The following DUSP15 variants were observed in gnomAD, a reference collection of about 807,000 sequenced individuals.
DUSP15 encodes dual specificity phosphatase 15.
DUSP15 carries 23 observed loss-of-function variants against 26.3 expected under a neutral mutation model. The ratio of observed to expected loss-of-function variants is 0.87; its 90% confidence interval spans 0.63 to 1.24. The LOEUF (loss-of-function observed/expected upper bound fraction) is 1.24. Ranked by LOEUF, DUSP15 falls within the 50% of genes most tolerant of loss-of-function variation. DUSP15 has a pLI of 0.00. For missense variants in DUSP15, 364 were observed against 320.6 expected (o/e 1.14, Z -1.03); for synonymous variants, 143 against 135.5 (o/e 1.06, Z -0.39).
chr20:31,857,915 T>C (rs941215109), downstream of DUSP15, among the ~76,000 whole-genome samples: 1 of 151,642 alleles, frequency 6.6e-6, no homozygotes, highest in Non-Finnish European at 1.5e-5. Flanking sequence ...ATTGGTGGAG[T>C]GGGAGAAGAG....
downstream of DUSP15, among the ~76,000 whole-genome samples, chr20:31,859,243 G>A (rs2062607708): frequency 6.6e-6 from 1 of 151,032 alleles, no homozygotes; most frequent in East Asian, 1.9e-4. Context: ...TGGATTCTTG[G>A]TGGGGGTCTC....
In DUSP15 at chr20:31,862,690, C is replaced by T. The variant is rs774115057; in HGVS notation, c.316G>A (p.Val106Met). ...ACGTCCCGCCAGCCTAGCCCCGTCA[C>T]AGTCATCACATACGCTGTCACAATC... Reference protein sequence around the residue: ...TTIVTAYVMTVTGLGWRDVLE... With the variant: ...TTIVTAYVMTMTGLGWRDVLE... Residue 106 changes from valine (V) to methionine (M), a missense_variant, in exon 6 of 7, where the codon GTG (valine) becomes ATG (methionine). Coordinates refer to ENST00000339738, the MANE Select transcript of DUSP15 (RefSeq NM_080611.5). 6.2e-6 allele frequency: 10 copies of T among 1,614,104 alleles called. No homozygotes were observed. Among genetic ancestry groups the T allele is most frequent in the Non-Finnish European group, 8.5e-6 (10 of 1,179,992 alleles).
chr20:31,851,370 T>C (rs1260677693), intron 6 of DUSP15, among the ~76,000 whole-genome samples: 1 of 151,014 alleles, frequency 6.6e-6, no homozygotes, highest in Non-Finnish European at 1.5e-5. Context: ...ACAGACAGAA[T>C]GAGGGAGACA....
Position 31,861,583 on chromosome 20 carries a change from C to CCGGCAGCGCTTGCACAG in DUSP15, c.511_527dup (p.Gln177CysfsTer104), listed in dbSNP as rs1491392233. On this transcript the variant is annotated frameshift_variant, in exon 7 of 7. Transcript: ENST00000339738. LOFTEE classifies it high-confidence loss of function. ...AGGAGGCCGAGGTCGCGGAGCCCTG[C>CCGGCAGCGCTTGCACAG]CGGCAGCGCTTGCACAGCGGCAGCA... 33 of 1,496,882 alleles carry CCGGCAGCGCTTGCACAG rather than the reference C, an allele frequency of 2.2e-5. No homozygotes were observed. The highest frequency in any genetic ancestry group is 4.4e-5 in the African/African-American group (3 of 68,812). 92.7% of individuals were successfully genotyped at this position (1,496,882 alleles called of 1,614,324 possible). A position where few individuals can be genotyped will look rare whatever the true frequency, so the allele number is the denominator to read the frequency against.
intron 6 of DUSP15, among the ~76,000 whole-genome samples, chr20:31,852,931 G>A (rs2062498302): frequency 6.6e-6 from 1 of 152,212 alleles, no homozygotes; most frequent in African/African-American, 2.4e-5. Context: ...GGGCCTCTTT[G>A]TTGGTGCCCT....
intron 7 of DUSP15, chr20:31,850,522 TG>T: frequency 7.4e-7 from 1 of 1,346,628 alleles, no homozygotes; most frequent in Non-Finnish European, 1.0e-6. Context: ...CTGGGTGCTT[TG>T]GGTGGGAGAG....
chr20:31,854,439 C>T (rs2062527216), intron 6 of DUSP15, among the ~76,000 whole-genome samples: 1 of 152,152 alleles, frequency 6.6e-6, no homozygotes, highest in South Asian at 2.1e-4. Context: ...TTTATTGTGA[C>T]ACTTATTGTA....
exon 10 of DUSP15, chr20:31,848,329 G>A: frequency 6.8e-7 from 1 of 1,474,730 alleles, no homozygotes; most frequent in Non-Finnish European, 9.1e-7. Context: ...ATGTGCCGGG[G>A]GAGGCCCCAA....
exon 8 of DUSP15, chr20:31,849,804 G>T (rs2062436276): frequency 6.5e-7 from 1 of 1,533,140 alleles, no homozygotes; most frequent in Non-Finnish European, 8.7e-7. Context: ...AGACGACAGC[G>T]CTGGGCTGTG....
exon 10 of DUSP15, chr20:31,848,068 T>G: frequency 3.9e-6 from 1 of 257,802 alleles, no homozygotes; most frequent in Non-Finnish European, 7.3e-6. Flanking sequence ...AGCAAACGTT[T>G]TAATGGACTC....
chr20:31,861,181 A>C lies in DUSP15; in HGVS notation c.*222T>G, dbSNP rs2062640240. 4.6e-6 allele frequency: 6 copies of C among 1,306,820 alleles called. No homozygotes were observed. The highest frequency in any genetic ancestry group is 3.9e-6 in the Non-Finnish European group (4 of 1,032,512). 81.0% of individuals were successfully genotyped at this position (1,306,820 alleles called of 1,614,324 possible). ...GTGGGCCCCCTCCCCCAGCCCAAGG[A>C]CTAAGGCACCAGGTGGCTGCAGCAG... On this transcript the variant is annotated 3_prime_UTR_variant, in exon 7 of 7. Transcript: ENST00000339738.
chr20:31,859,285 T>C (rs2062608243), downstream of DUSP15, among the ~76,000 whole-genome samples: 2 of 122,888 alleles, frequency 1.6e-5, no homozygotes, highest in Non-Finnish European at 3.4e-5. Context: ...AAATTTCATG[T>C]CTATGCATTT....
At chr20:31,865,640 G>A (rs900263255) in intron 3 of DUSP15, among the ~76,000 whole-genome samples, 3 of 152,232 alleles carry the variant, frequency 2.0e-5, no homozygotes, top group Non-Finnish European at 4.4e-5. Context: ...GGCCAGGCCC[G>A]TCACTGGCAG....
chr20:31,849,155 C>T lies in DUSP15; in HGVS notation c.629-252G>A, dbSNP rs145715342. On this transcript the variant is annotated intron_variant, in intron 8 of 9. Coordinates refer to the DUSP15 transcript ENST00000278979. ...CCACCCCATGCCTTTATGCCCAACC[C>T]ATGCCCACTGCCACTCACCTATACC... 2.4e-4 allele frequency among the ~76,000 whole-genome samples: 37 copies of T among 152,172 alleles called. No homozygotes were observed. The East Asian group carries it at 2.7e-3, about 11-fold the overall frequency.
Position 31,870,433 on chromosome 20 carries a change from G to C in DUSP15, c.-96C>G. ...TGACGGCCCAGGCCCGACGCCTGCA[G>C]CCTGGCGGGGAACGGGGGGCCTGGC... On this transcript the variant is annotated 5_prime_UTR_variant, in exon 1 of 7. Coordinates refer to ENST00000339738, the MANE Select transcript of DUSP15 (RefSeq NM_080611.5). The surrounding 1 kb of genome is among the most constrained non-coding windows in gnomAD (Gnocchi z 6.6). The C allele has an allele frequency of 7.7e-7, 1 of 1,294,308 alleles. No homozygotes were observed. The highest frequency in any genetic ancestry group is 9.8e-7 in the Non-Finnish European group (1 of 1,025,402). 80.2% of individuals were successfully genotyped at this position (1,294,308 alleles called of 1,614,324 possible). A position where few individuals can be genotyped will look rare whatever the true frequency, so the allele number is the denominator to read the frequency against.
chr20:31,865,519 T>C (rs1408658076), intron 3 of DUSP15, among the ~76,000 whole-genome samples: 2 of 152,254 alleles, frequency 1.3e-5, no homozygotes, highest in African/African-American at 2.4e-5. Flanking sequence ...CTTTGTTTCC[T>C]GATTAGCCAC....
intron 8 of DUSP15, chr20:31,849,674 G>C: frequency 6.5e-7 from 1 of 1,530,028 alleles, no homozygotes; most frequent in Admixed American, 2.0e-5. Flanking sequence ...TGCACACCGC[G>C]CTCCAGGTGA....
chr20:31,861,374 A>C lies in DUSP15; in HGVS notation c.*29T>G, dbSNP rs373419129. 9.1e-5 allele frequency: 137 copies of C among 1,512,548 alleles called. No homozygotes were observed. Among genetic ancestry groups the C allele is most frequent in the East Asian group, 2.6e-4 (10 of 37,752 alleles). The allele number at this position is 1,512,548 out of a possible 1,614,324, so 93.7% of individuals were successfully genotyped here. A position where few individuals can be genotyped will look rare whatever the true frequency, so the allele number is the denominator to read the frequency against. On this transcript the variant is annotated 3_prime_UTR_variant, in exon 7 of 7. Coordinates refer to ENST00000339738, the MANE Select transcript of DUSP15 (RefSeq NM_080611.5). The stretch of plus-strand genomic sequence containing the variant: ...ACAGCCCCCGAAGGGAGCCAGTCGG[A>C]AGTGGGGAGCCACGGCTGGACTGCA...
chr20:31,850,973 A>G (rs2062458789), intron 6 of DUSP15, among the ~76,000 whole-genome samples: 1 of 152,220 alleles, frequency 6.6e-6, no homozygotes. Flanking sequence ...GACTGTTCCC[A>G]CCAGTGCAGA....
Sources: allele counts gnomAD v4.1 joint callset (sites outside exome capture counted in the v4.1 genomes callset), GRCh38; gene constraint gnomAD v4.1.1; non-coding constraint Gnocchi (gnomAD v3.1); transcripts MANE v1.5; gene names NCBI Gene and HGNC (gene_info 2026-07-23, HGNC 2026-07-21).